The following AFF3 variants were observed in gnomAD, a reference collection of about 807,000 sequenced individuals.
AFF3 encodes the protein AF4/FMR2 family member 3.
AFF3 carries 32 observed loss-of-function variants against 129.7 expected under a neutral mutation model. The ratio of observed to expected loss-of-function variants is 0.25; its 90% CI spans 0.19 to 0.33. The LOEUF is 0.33. AFF3 is among the 10% of genes least tolerant of loss of function. The pLI is 1.00. For missense variants in AFF3, 1,373 were observed against 1,592.0 expected (o/e 0.86, Z 2.34); for synonymous variants, 644 against 635.4 (o/e 1.01, Z -0.20).
chr2:99,782,292 T>C (rs370041800), intron 8 of AFF3, among the ~76,000 whole-genome samples: 12 of 152,322 alleles, frequency 7.9e-5, no homozygotes, highest in African/African-American at 2.9e-4. Context: ...GTGAACATTA[T>C]CAGATAAAGA....
intron 13 of AFF3, among the ~76,000 whole-genome samples, chr2:99,625,925 A>G (rs900309711): frequency 3.9e-5 from 6 of 152,226 alleles, no homozygotes; most frequent in African/African-American, 1.4e-4. Context: ...TTGGTGACTG[A>G]AACACCTTCC....
chr2:99,609,710 T>C (rs1274020495), intron 13 of AFF3, among the ~76,000 whole-genome samples: 1 of 152,216 alleles, frequency 6.6e-6, no homozygotes, highest in Non-Finnish European at 1.5e-5. Flanking sequence ...AGAAAAATAG[T>C]ACAGAGATCG....
At chr2:99,556,809 C>T (rs778007262) in intron 22 of AFF3, among the ~76,000 whole-genome samples, 3 of 151,776 alleles carry the variant, frequency 2.0e-5, no homozygotes, top group Non-Finnish European at 2.9e-5. Flanking sequence ...GTGGTCTCAG[C>T]GACTTGGGAG....
chr2:99,668,883 T>A lies in AFF3; in HGVS notation c.1143+3655A>T, dbSNP rs567072161. 6.6e-5 allele frequency among the ~76,000 whole-genome samples: 10 copies of A among 152,320 alleles called. No homozygotes were observed. The South Asian group carries it at 1.9e-3, about 28-fold the overall frequency. Reference sequence around the variant, plus strand: ...GACCTAACATCATTTTTTAAAAGCATAATCTTTTTGAGAAAAGGGCAGGGG... The same window carrying A: ...GACCTAACATCATTTTTTAAAAGCAAAATCTTTTTGAGAAAAGGGCAGGGG... On this transcript the variant is annotated intron_variant, in intron 12 of 24. Coordinates refer to ENST00000672756, the MANE Select transcript of AFF3 (RefSeq NM_001386135.1).
At chr2:99,721,411 C>T (rs552533941) in intron 11 of AFF3, among the ~76,000 whole-genome samples, 1 of 151,938 alleles carries the variant, frequency 6.6e-6, no homozygotes, top group Non-Finnish European at 1.5e-5. Flanking sequence ...CACCTGTAGT[C>T]CCAGCTACTC....
intron 7 of AFF3, among the ~76,000 whole-genome samples, chr2:99,951,241 A>G (rs1676137973): frequency 6.6e-6 from 1 of 152,172 alleles, no homozygotes; most frequent in South Asian, 2.1e-4. Context: ...AAAGAGGATC[A>G]TTTTTGCAAA....
intron 7 of AFF3, among the ~76,000 whole-genome samples, chr2:99,947,695 C>A (rs1675771000): frequency 4.6e-5 from 7 of 151,790 alleles, no homozygotes; most frequent in Admixed American, 4.6e-4. Context: ...AACACAGGCA[C>A]ACTGAGTGAA....
intron 11 of AFF3, among the ~76,000 whole-genome samples, chr2:99,690,306 G>T (rs1047767711): frequency 6.9e-6 from 1 of 145,204 alleles, no homozygotes; most frequent in Non-Finnish European, 1.5e-5. Context: ...TCAGCCTCCC[G>T]AGTAGCTGGG....
At chr2:100,116,264 T>C (rs1024700191) in intron 2 of AFF3, among the ~76,000 whole-genome samples, 4 of 152,134 alleles carry the variant, frequency 2.6e-5, no homozygotes, top group African/African-American at 9.7e-5. Context: ...AAACAACATA[T>C]AGCTCTATGT....
intron 4 of AFF3, among the ~76,000 whole-genome samples, chr2:100,009,698 T>C (rs1380358012): frequency 2.6e-5 from 4 of 152,088 alleles, no homozygotes; most frequent in Admixed American, 6.5e-5. Flanking sequence ...CTGGAAGAAA[T>C]GAGGAAGAAA....
chr2:99,975,526 T>A (rs1678787633), intron 7 of AFF3, among the ~76,000 whole-genome samples: 1 of 152,118 alleles, frequency 6.6e-6, no homozygotes, highest in African/African-American at 2.4e-5. Flanking sequence ...ATTTTGCCAA[T>A]CAAAATAAAG....
intron 13 of AFF3, among the ~76,000 whole-genome samples, chr2:99,648,879 A>ACG (rs752967402): frequency 2.7e-5 from 3 of 109,444 alleles, no homozygotes; most frequent in South Asian, 3.7e-4. Flanking sequence ...TCCTCAAAAC[A>ACG]CGCGCGCACA....
At chr2:99,996,016 A>G (rs2104631769) in intron 7 of AFF3, among the ~76,000 whole-genome samples, 1 of 152,322 alleles carries the variant, frequency 6.6e-6, no homozygotes, top group South Asian at 2.1e-4. Flanking sequence ...AACAAATCAC[A>G]TATATATACA....
At chr2:99,911,728 C>G (rs1695125853) in intron 7 of AFF3, among the ~76,000 whole-genome samples, 1 of 152,172 alleles carries the variant, frequency 6.6e-6, no homozygotes, top group Non-Finnish European at 1.5e-5. Flanking sequence ...AGCCCAGGGG[C>G]TGCAAGGAAA....
At chr2:99,872,650 T>A (rs1159263895) in intron 7 of AFF3, among the ~76,000 whole-genome samples, 1 of 121,728 alleles carries the variant, frequency 8.2e-6, no homozygotes, top group African/African-American at 3.9e-5. Context: ...AAAATAAAAT[T>A]TATCGGTCTA....
chr2:100,132,219 T>C (rs1692454168), intron 1 of AFF3, among the ~76,000 whole-genome samples: 1 of 152,198 alleles, frequency 6.6e-6, no homozygotes, highest in Non-Finnish European at 1.5e-5. Context: ...TGAAAATTGC[T>C]TAGAGAGTAG....
chr2:99,567,846 G>C (rs1478716009), intron 19 of AFF3, among the ~76,000 whole-genome samples: 1 of 152,234 alleles, frequency 6.6e-6, no homozygotes, highest in Non-Finnish European at 1.5e-5. Context: ...GATTCAGGCA[G>C]AAAATCTCTT....
chr2:100,027,225 A>T (rs1164142335), intron 4 of AFF3, among the ~76,000 whole-genome samples: 1 of 152,202 alleles, frequency 6.6e-6, no homozygotes, highest in Non-Finnish European at 1.5e-5. Context: ...CAGGCAGGCG[A>T]AAAACAAAAA....
At chr2:99,719,460 T>C (rs1448793000) in intron 11 of AFF3, among the ~76,000 whole-genome samples, 3 of 152,230 alleles carry the variant, frequency 2.0e-5, no homozygotes, top group African/African-American at 7.2e-5. Context: ...ATCAGGGTTG[T>C]ACTGACCTTA....
Sources: gnomAD v4.1 joint callset for allele counts (sites outside exome capture counted in the v4.1 genomes callset) on GRCh38, gnomAD v4.1.1 for gene constraint, MANE v1.5 for transcripts, NCBI Gene and HGNC (gene_info 2026-07-23, HGNC 2026-07-21) for gene names.